Variants in MMP16 observed in about 807,000 individuals in gnomAD.
MMP16 encodes the protein matrix metallopeptidase 16.
A neutral mutation model predicts 67.8 loss-of-function variants in MMP16; 12 were observed. That is an observed-to-expected ratio of 0.18 (90% CI 0.11 to 0.29). MMP16 has a LOEUF of 0.29. MMP16 is among the 10% of genes least tolerant of loss of function. The pLI, the probability that MMP16 is intolerant of heterozygous loss-of-function variation, is 1.00. For synonymous variants in MMP16, 249 were observed against 255.9 expected (o/e 0.97, Z 0.26); for missense variants, 475 against 765.7 (o/e 0.62, Z 4.48).
chr8:88,110,207 G>C (rs1303328412), intron 6 of MMP16, among the ~76,000 whole-genome samples: 1 of 151,260 alleles, frequency 6.6e-6, no homozygotes, highest in East Asian at 1.9e-4. Context: ...GAAGAAAATT[G>C]GAAACTCAGG....
chr8:88,166,326 A>C (rs1808709834), intron 4 of MMP16, among the ~76,000 whole-genome samples: 1 of 152,032 alleles, frequency 6.6e-6, no homozygotes, highest in African/African-American at 2.4e-5. Context: ...TCTTCACAAT[A>C]AAAACTGGGG....
chr8:88,098,713 G>T (rs190208315), intron 6 of MMP16, among the ~76,000 whole-genome samples: 10 of 152,008 alleles, frequency 6.6e-5, no homozygotes, highest in African/African-American at 2.4e-4. Context: ...CAACTTCATT[G>T]TCTATTGTGA....
chr8:88,167,522 A>C, intron 4 of MMP16, 147 bp downstream of exon 4: 1 of 720,832 alleles, frequency 1.4e-6, no homozygotes, highest in African/African-American at 1.8e-5. Flanking sequence ...TCTTATCCTA[A>C]AATGCTATAA....
chr8:88,141,432 T>A (rs1251071234), intron 4 of MMP16, among the ~76,000 whole-genome samples: 1 of 152,198 alleles, frequency 6.6e-6, no homozygotes, highest in Non-Finnish European at 1.5e-5. Flanking sequence ...CTGGAGTTAA[T>A]ACTCATGTGG....
Position 88,230,783 on chromosome 8 carries a change from ATAAACAAGCTACATGGTTTTTCTTAT to A in MMP16, c.133-33503_133-33478del, listed in dbSNP as rs566824545. On this transcript the variant is annotated intron_variant, in intron 1 of 9. Transcript: ENST00000286614. ...TTGGATGCATTCTTATAAATGCTGG[ATAAACAAGCTACATGGTTTTTCTTAT>A]TCATGAATTTGCAACCTGCATACCC... Among the ~76,000 whole-genome samples, 16 of 152,276 alleles carry A rather than the reference ATAAACAAGCTACATGGTTTTTCTTAT, an allele frequency of 1.1e-4. No homozygotes were observed. In the South Asian group the frequency reaches 3.3e-3, roughly 32 times the overall value.
intron 4 of MMP16, among the ~76,000 whole-genome samples, chr8:88,143,327 T>C (rs1203996959): frequency 2.6e-5 from 4 of 152,122 alleles, no homozygotes; most frequent in African/African-American, 9.6e-5. Context: ...TAAACCTAGA[T>C]AAAGAGAAGT....
Position 88,254,083 on chromosome 8 carries a change from G to T in MMP16, c.133-56777C>A, listed in dbSNP as rs1436194135. On this transcript the variant is annotated intron_variant, in intron 1 of 9. Coordinates refer to ENST00000286614, the MANE Select transcript of MMP16 (RefSeq NM_005941.5). ...CCTAAATGCCCAACAATGATAGACTGGATAAAGAAAATGTGGTACATATAC... is the reference window on the plus strand; with the variant it reads ...CCTAAATGCCCAACAATGATAGACTTGATAAAGAAAATGTGGTACATATAC... Among the ~76,000 whole-genome samples, 3 of 152,064 alleles carry T rather than the reference G, an allele frequency of 2.0e-5. No individual in the cohort carries two copies. The East Asian group carries it at 5.8e-4, about 29-fold the overall frequency.
chr8:88,159,697 C>T (rs1330211471), intron 4 of MMP16, among the ~76,000 whole-genome samples: 1 of 152,066 alleles, frequency 6.6e-6, no homozygotes, highest in African/African-American at 2.4e-5. Flanking sequence ...AGAGGGCATC[C>T]CTGTCTTGTG....
chr8:88,175,521 A>C (rs1398055626), intron 3 of MMP16, among the ~76,000 whole-genome samples: 1 of 152,196 alleles, frequency 6.6e-6, no homozygotes, highest in Non-Finnish European at 1.5e-5. Flanking sequence ...TCTCATTTCT[A>C]ACTCTCCATA....
At chr8:88,268,118 GGATT>G (rs1810507435) in intron 1 of MMP16, among the ~76,000 whole-genome samples, 3 of 152,172 alleles carry the variant, frequency 2.0e-5, no homozygotes, top group Non-Finnish European at 4.4e-5. Context: ...CAAGGTGGGT[GGATT>G]GCCTGAGGTC....
In MMP16 at chr8:88,058,691, G is replaced by T. The variant is rs890492256; in HGVS notation, c.1223-2413C>A. Among the ~76,000 whole-genome samples, 2 of 152,072 alleles carry T rather than the reference G, an allele frequency of 1.3e-5. No individual in the cohort carries two copies. Among genetic ancestry groups the T allele is most frequent in the Admixed American group, 1.3e-4 (2 of 15,246 alleles). ...TTGTTTGAGGTAAAAGAAACATAAA[G>T]AATAAATGCCATAATGGGAAGAAGC... On this transcript the variant is annotated intron_variant, in intron 7 of 9. Transcript: ENST00000286614. The surrounding 1 kb of genome is among the most constrained non-coding windows in gnomAD (Gnocchi z 4.2).
At chr8:88,209,220 C>T (rs1351801025) in intron 1 of MMP16, among the ~76,000 whole-genome samples, 2 of 152,028 alleles carry the variant, frequency 1.3e-5, no homozygotes, top group Admixed American at 6.6e-5. Flanking sequence ...ACCTCCTGCA[C>T]CTCTTCTGCC....
intron 8 of MMP16, among the ~76,000 whole-genome samples, chr8:88,051,184 T>C (rs1808265334): frequency 6.6e-6 from 1 of 152,188 alleles, no homozygotes; most frequent in Admixed American, 6.5e-5. Context: ...TACTCATAAA[T>C]ATTGCTTTAT....
chr8:88,316,940 T>C (rs1337929913), intron 1 of MMP16, among the ~76,000 whole-genome samples: 2 of 152,256 alleles, frequency 1.3e-5, no homozygotes, highest in East Asian at 3.9e-4. Context: ...TCCCTGTCGA[T>C]GACTCTGAGG....
intron 1 of MMP16, among the ~76,000 whole-genome samples, chr8:88,253,335 A>G (rs1471671472): frequency 1.3e-5 from 2 of 152,134 alleles, no homozygotes; most frequent in Non-Finnish European, 2.9e-5. Context: ...TTCCTTCCAA[A>G]GAGTATAATA....
At chr8:88,297,943 A>G (rs1000689022) in intron 1 of MMP16, among the ~76,000 whole-genome samples, 4 of 152,242 alleles carry the variant, frequency 2.6e-5, no homozygotes, top group African/African-American at 9.6e-5. Flanking sequence ...GAAAACAATT[A>G]GAGAAAGGAA....
intron 6 of MMP16, among the ~76,000 whole-genome samples, chr8:88,081,596 A>G (rs1363073015): frequency 2.6e-5 from 4 of 152,146 alleles, no homozygotes; most frequent in African/African-American, 9.7e-5. Flanking sequence ...AAAAAGAATT[A>G]AAAGAAAAGA....
chr8:88,212,016 G>C (rs1271333002), intron 1 of MMP16, among the ~76,000 whole-genome samples: 1 of 144,128 alleles, frequency 6.9e-6, no homozygotes, highest in African/African-American at 2.6e-5. Flanking sequence ...CTTCACCTAT[G>C]TTCACACTGG....
At chr8:88,271,459 C>T (rs957925766) in intron 1 of MMP16, among the ~76,000 whole-genome samples, 4 of 151,842 alleles carry the variant, frequency 2.6e-5, no homozygotes, top group Non-Finnish European at 4.4e-5. Context: ...TCATATCAGT[C>T]ATTGCCACTC....
Sources: allele counts gnomAD v4.1 joint callset (sites outside exome capture counted in the v4.1 genomes callset), GRCh38; gene constraint gnomAD v4.1.1; non-coding constraint Gnocchi (gnomAD v3.1); transcripts MANE v1.5; gene names NCBI Gene and HGNC (gene_info 2026-07-23, HGNC 2026-07-21).